The following NXPH1 variants were observed in gnomAD, a reference collection of about 807,000 sequenced individuals.
NXPH1 encodes the protein neurexophilin 1.
Under a neutral mutation model 23.7 loss-of-function variants are expected in NXPH1, and 5 were observed. That is an observed-to-expected ratio of 0.21 (90% CI 0.11 to 0.44). The LOEUF (loss-of-function observed/expected upper bound fraction) is 0.44. NXPH1 is among the 20% of genes least tolerant of loss of function. The probability of loss-of-function intolerance (pLI) is 0.99; values close to 1 mark genes in which losing one functional copy is unlikely to be tolerated. For missense variants in NXPH1, 324 were observed against 321.6 expected, an observed-to-expected ratio of 1.01 and a Z score of -0.06; for synonymous variants, 144 against 122.2, an observed-to-expected ratio of 1.18 and a Z score of -1.18.
At chr7:8,602,795 G>A (rs1437296907) in intron 2 of NXPH1, among the ~76,000 whole-genome samples, 1 of 152,060 alleles carries the variant, frequency 6.6e-6, no homozygotes, top group Non-Finnish European at 1.5e-5. Flanking sequence ...CTGTTGGCTG[G>A]GGAGAGAATA....
chr7:8,646,335 C>T (rs555326505), intron 2 of NXPH1, among the ~76,000 whole-genome samples: 16 of 152,056 alleles, frequency 1.1e-4, no homozygotes, highest in Non-Finnish European at 1.5e-4. Flanking sequence ...ATCTCATATC[C>T]GACAATCTTT....
chr7:8,553,608 G>A (rs762755169), intron 2 of NXPH1, among the ~76,000 whole-genome samples: 1 of 151,368 alleles, frequency 6.6e-6, no homozygotes, highest in Non-Finnish European at 1.5e-5. Context: ...ACTTTCTCAG[G>A]GTAATAGTTT....
intron 2 of NXPH1, among the ~76,000 whole-genome samples, chr7:8,511,859 G>A (rs1817617473): frequency 6.6e-6 from 1 of 152,092 alleles, no homozygotes; most frequent in African/African-American, 2.4e-5. Flanking sequence ...CATGGTCCAG[G>A]GGACTGAATT....
rs1236460418 is a variant in NXPH1 at position 8,751,823 on chromosome 7, G to A, written c.*54G>A. 4.0e-6 allele frequency: 6 copies of A among 1,494,586 alleles called. No homozygotes were observed. The Admixed American group carries it at 1.3e-4, about 31-fold the overall frequency. 92.6% of individuals were successfully genotyped at this position (1,494,586 alleles called of 1,614,324 possible). A position where few individuals can be genotyped will look rare whatever the true frequency, so the allele number is the denominator to read the frequency against. ...TGAGGAATTAAAGGTCATATGACAG[G>A]GCTGTTACCTCAAAGAAGAAGGTCA... On this transcript the variant is annotated 3_prime_UTR_variant, in exon 3 of 3. Coordinates refer to ENST00000405863, the MANE Select transcript of NXPH1 (RefSeq NM_152745.3). This position sits in a 1 kb window ranked among gnomAD's most constrained non-coding sequence, Gnocchi z 4.5.
chr7:8,526,001 G>GT (rs1554430744), intron 2 of NXPH1, among the ~76,000 whole-genome samples: 3 of 151,918 alleles, frequency 2.0e-5, no homozygotes, highest in African/African-American at 7.3e-5. Context: ...CAGAATGGTA[G>GT]TTCACCAACA....
intron 2 of NXPH1, among the ~76,000 whole-genome samples, chr7:8,554,485 T>C (rs1818324890): frequency 6.6e-6 from 1 of 151,676 alleles, no homozygotes; most frequent in Non-Finnish European, 1.5e-5. Context: ...GTAAATGAGC[T>C]GCAGTCCTCT....
chr7:8,538,372 G>C (rs1471919494), intron 2 of NXPH1, among the ~76,000 whole-genome samples: 1 of 151,822 alleles, frequency 6.6e-6, no homozygotes, highest in Non-Finnish European at 1.5e-5. Context: ...AGATAATACA[G>C]TGAAATAGTT....
chr7:8,744,730 T>C (rs766780081), intron 2 of NXPH1, among the ~76,000 whole-genome samples: 94 of 152,218 alleles, frequency 6.2e-4, no homozygotes, highest in Non-Finnish European at 1.2e-3. Context: ...AGCCAACTTG[T>C]TACCACTGTT....
At chr7:8,441,207 G>A (rs549606035) in intron 2 of NXPH1, among the ~76,000 whole-genome samples, 1 of 152,092 alleles carries the variant, frequency 6.6e-6, no homozygotes, top group Admixed American at 6.5e-5. Context: ...TTGGGTCAGC[G>A]GCTTCATGGT....
chr7:8,581,221 T>C (rs774905688), intron 2 of NXPH1, among the ~76,000 whole-genome samples: 5 of 152,200 alleles, frequency 3.3e-5, no homozygotes, highest in African/African-American at 7.2e-5. Flanking sequence ...AAGACATCTA[T>C]GTATCAGGCA....
chr7:8,596,551 A>G (rs533063348), intron 2 of NXPH1, among the ~76,000 whole-genome samples: 2 of 152,248 alleles, frequency 1.3e-5, no homozygotes, highest in Admixed American at 6.5e-5. Context: ...CATGTGTCCA[A>G]TGGAGATTAA....
chr7:8,664,982 ACT>A (rs1306268530), intron 2 of NXPH1, among the ~76,000 whole-genome samples: 2 of 151,184 alleles, frequency 1.3e-5, no homozygotes, highest in Non-Finnish European at 3.0e-5. Context: ...TTATCTCTTC[ACT>A]CTGTCAATTC....
At chr7:8,542,660 T>C (rs1818137685) in intron 2 of NXPH1, among the ~76,000 whole-genome samples, 2 of 151,540 alleles carry the variant, frequency 1.3e-5, no homozygotes, top group Non-Finnish European at 3.0e-5. Flanking sequence ...TGGAAATCAG[T>C]AAAATAGTCC....
chr7:8,597,630 A>G (rs1469619298), intron 2 of NXPH1, among the ~76,000 whole-genome samples: 1 of 149,454 alleles, frequency 6.7e-6, no homozygotes, highest in East Asian at 2.0e-4. Flanking sequence ...AGAGTTGTCT[A>G]AAGAATTAGA....
chr7:8,528,812 A>G (rs183662978), intron 2 of NXPH1, among the ~76,000 whole-genome samples: 1 of 152,362 alleles, frequency 6.6e-6, no homozygotes, highest in Non-Finnish European at 1.5e-5. Flanking sequence ...TACAGAAGAG[A>G]GTACATGAGT....
chr7:8,640,867 T>C (rs901866550), intron 2 of NXPH1, among the ~76,000 whole-genome samples: 4 of 152,060 alleles, frequency 2.6e-5, no homozygotes, highest in African/African-American at 9.7e-5. Context: ...GGCTGTTGGA[T>C]CTCTTGAGTC....
intron 2 of NXPH1, among the ~76,000 whole-genome samples, chr7:8,627,256 C>A (rs544813255): frequency 1.1e-4 from 16 of 152,042 alleles, no homozygotes; most frequent in Admixed American, 7.9e-4. Context: ...GGCAAGGTAA[C>A]AAGGGAATGC....
chr7:8,619,228 G>T (rs1359218986), intron 2 of NXPH1, among the ~76,000 whole-genome samples: 1 of 152,062 alleles, frequency 6.6e-6, no homozygotes, highest in African/African-American at 2.4e-5. Context: ...GTGTTTGAAA[G>T]AAATTAGGTC....
rs192093881 is a variant in NXPH1 at position 8,734,956 on chromosome 7, G to A, written c.55-16052G>A. Among the ~76,000 whole-genome samples the A allele has an allele frequency of 1.1e-3, 172 of 152,256 alleles. 1 individual carries two copies. The highest frequency in any genetic ancestry group is 2.7e-3 in the South Asian group (13 of 4,820). On this transcript the variant is annotated intron_variant, in intron 2 of 2. Coordinates refer to ENST00000405863, the MANE Select transcript of NXPH1 (RefSeq NM_152745.3). Reference sequence around the variant, plus strand: ...ATTTGGCTCTCTGTCTGTTATTGGAGTATAAAAATGCTTGTGATTTTTGCA... The same window carrying A: ...ATTTGGCTCTCTGTCTGTTATTGGAATATAAAAATGCTTGTGATTTTTGCA...
Sources: allele counts gnomAD v4.1 joint callset (sites outside exome capture counted in the v4.1 genomes callset), GRCh38; gene constraint gnomAD v4.1.1; non-coding constraint Gnocchi (gnomAD v3.1); transcripts MANE v1.5; gene names NCBI Gene and HGNC (gene_info 2026-07-23, HGNC 2026-07-21).